NSUN7: variants seen among roughly 807,000 people sequenced by gnomAD.
The protein encoded by NSUN7 is protein NSUN7.
In NSUN7, 39 loss-of-function variants were observed where a neutral mutation model predicts 58.5. The observed-to-expected ratio is 0.67, with a 90% CI of 0.52 to 0.87. The LOEUF is 0.87. NSUN7 is among the 40% of genes least tolerant of loss of function. The pLI, the probability that NSUN7 is intolerant of heterozygous loss-of-function variation, is 0.00. For missense variants in NSUN7, 765 were observed against 844.1 expected, an observed-to-expected ratio of 0.91 and a Z score of 1.16; for synonymous variants, 278 against 303.7, an observed-to-expected ratio of 0.92 and a Z score of 0.88.
intron 4 of NSUN7, 63 bp downstream of exon 4, chr4:40,761,364 A>G: frequency 3.1e-6 from 4 of 1,308,036 alleles, no homozygotes; most frequent in Non-Finnish European, 4.3e-6. Context: ...TATTGGTAAA[A>G]TTACATACAG....
chr4:40,790,563 T>A, intron 7 of NSUN7, 39 bp from the exon 8 acceptor site: 2 of 1,310,556 alleles, frequency 1.5e-6, no homozygotes, highest in Non-Finnish European at 1.1e-6. Context: ...AGATTTTTCA[T>A]TAATATTTTA....
intron 10 of NSUN7, among the ~76,000 whole-genome samples, 186 bp downstream of exon 10, chr4:40,799,090 T>TTTTTG (rs1743460198): frequency 1.4e-5 from 2 of 141,276 alleles, no homozygotes; most frequent in East Asian, 2.0e-4. Flanking sequence ...TTTTTTTTTT[T>TTTTTG]TTTTTTTTTT....
chr4:40,765,865 T>C (rs1560548818), intron 4 of NSUN7, among the ~76,000 whole-genome samples: 1 of 152,248 alleles, frequency 6.6e-6, no homozygotes, highest in Non-Finnish European at 1.5e-5. Context: ...AGTTCACTCA[T>C]GATTTGGCTC....
At chr4:40,805,321 T>C (rs1743768773) in intron 10 of NSUN7, among the ~76,000 whole-genome samples, 1 of 152,166 alleles carries the variant, frequency 6.6e-6, no homozygotes, top group East Asian at 1.9e-4. Context: ...CGCTTGTGTT[T>C]GCGGGACTGA....
intron 4 of NSUN7, among the ~76,000 whole-genome samples, chr4:40,763,431 C>T (rs1053154714): frequency 5.3e-5 from 8 of 152,240 alleles, no homozygotes; most frequent in East Asian, 1.9e-4. Context: ...GGACAGGCTC[C>T]GAGTTTCAGT....
chr4:40,776,255 TA>T lies in NSUN7; in HGVS notation c.1036del (p.Asn346IlefsTer24). 6.4e-7 allele frequency: 1 copy of T among 1,562,690 alleles called. No homozygotes were observed. The highest frequency in any genetic ancestry group is 8.7e-7 in the Non-Finnish European group (1 of 1,152,598). On this transcript the variant is annotated frameshift_variant, in exon 7 of 12. Coordinates refer to ENST00000381782, the MANE Select transcript of NSUN7 (RefSeq NM_024677.6). LOFTEE classifies it high-confidence loss of function. ...AGACCCTTTTCACAAAAATAGGATGTAAAAGTATGTAAAAATATTTCTTCAT... is the reference window on the plus strand; with the variant it reads ...AGACCCTTTTCACAAAAATAGGATGTAAAGTATGTAAAAATATTTCTTCAT... ...LKTLFTKIGC[K>X]NIEILHEKFI... is the part of the protein sequence containing the mutation.
rs1560572547 is a variant in NSUN7 at position 40,811,131 on chromosome 4, T to G, written c.*2192T>G. ...CTAACATGCATTTGGCACTAAATTA[T>G]TTTTCTCTTTAGAAGTATATGAAGA... On this transcript the variant is annotated 3_prime_UTR_variant, in exon 12 of 12. Transcript: ENST00000381782. 1 of 152,248 alleles carries G rather than the reference T, an allele frequency of 6.6e-6. No homozygotes were observed. 9.4% of individuals were successfully genotyped at this position (152,248 alleles called of 1,614,324 possible).
rs1208786099 is a variant in NSUN7, at chr4:40,810,869, A to ATT, written c.*1931_*1932dup. On this transcript the variant is annotated 3_prime_UTR_variant, in exon 12 of 12. Coordinates refer to ENST00000381782, the MANE Select transcript of NSUN7 (RefSeq NM_024677.6). ...AAGGCGGTGCAGCTTAATTTAACAT[A>ATT]TTGTTCAGTAAAGAATCCCATTGTG... is the stretch of plus-strand genomic sequence containing the variant. 3.3e-5 allele frequency: 5 copies of ATT among 152,146 alleles called. No homozygotes were observed. The highest frequency in any genetic ancestry group is 9.7e-5 in the African/African-American group (4 of 41,424). 9.4% of individuals were successfully genotyped at this position (152,146 alleles called of 1,614,324 possible).
At chr4:40,807,884 AC>A (rs1743877516) in intron 11 of NSUN7, among the ~76,000 whole-genome samples, 1 of 152,106 alleles carries the variant, frequency 6.6e-6, no homozygotes, top group Admixed American at 6.6e-5. Flanking sequence ...CTACTAAAAT[AC>A]AAAAATCAGC....
rs1577560094 is a variant in NSUN7 at position 40,774,887 on chromosome 4, A to G, written c.762A>G (p.Pro254=). The G allele has an allele frequency of 1.5e-6, 2 of 1,340,426 alleles. No individual in the cohort carries two copies. The highest frequency in any genetic ancestry group is 1.2e-5 in the South Asian group (1 of 84,202). 83.0% of individuals were successfully genotyped at this position (1,340,426 alleles called of 1,614,324 possible). A position where few individuals can be genotyped will look rare whatever the true frequency, so the allele number is the denominator to read the frequency against. ...DQHCYDVLIF[P]SHLKNDLINI... ...ATTGCTATGATGTCTTAATTTTTCCATCTCATCTTAAAAATGATCTTATAA... is the reference window on the plus strand; with the variant it reads ...ATTGCTATGATGTCTTAATTTTTCCGTCTCATCTTAAAAATGATCTTATAA... Residue 254 remains proline (P), a synonymous_variant, in exon 6 of 12, where the codon CCA becomes CCG. Coordinates refer to ENST00000381782, the MANE Select transcript of NSUN7 (RefSeq NM_024677.6).
At chr4:40,757,266 C>T (rs1172652844) in intron 2 of NSUN7, among the ~76,000 whole-genome samples, 3 of 151,808 alleles carry the variant, frequency 2.0e-5, no homozygotes, top group African/African-American at 7.3e-5. Flanking sequence ...AAATAAGTTA[C>T]AGGAGATGGT....
chr4:40,806,716 A>G (rs1743819127), intron 10 of NSUN7, among the ~76,000 whole-genome samples: 1 of 152,208 alleles, frequency 6.6e-6, no homozygotes, highest in African/African-American at 2.4e-5. Context: ...GATAACTGTG[A>G]TTAATGTACA....
chr4:40,793,936 A>G (rs1356770363), intron 8 of NSUN7, among the ~76,000 whole-genome samples: 7 of 152,174 alleles, frequency 4.6e-5, no homozygotes, highest in Non-Finnish European at 8.8e-5. Context: ...TTTTTCTTCC[A>G]AAGTTTCTTT....
chr4:40,799,809 C>T (rs1199218720), intron 10 of NSUN7, among the ~76,000 whole-genome samples: 2 of 152,166 alleles, frequency 1.3e-5, no homozygotes, highest in Non-Finnish European at 2.9e-5. Context: ...GTCATTTAAT[C>T]TCATCACCTA....
In NSUN7 at chr4:40,808,413, A is replaced by AG. The variant is rs752872184; in HGVS notation, c.1632dup (p.Lys545GlufsTer15). The AG allele has an allele frequency of 6.2e-7, 1 of 1,614,058 alleles. No homozygotes were observed. Among genetic ancestry groups the AG allele is most frequent in the Non-Finnish European group, 8.5e-7 (1 of 1,179,956 alleles). The stretch of plus-strand genomic sequence containing the variant: ...GGTAAATCATCAAAACGGGAGAAGA[A>AG]GAAGAAAAAATCAAAAACATCATTG... On this transcript the variant is annotated frameshift_variant, in exon 12 of 12. Coordinates refer to ENST00000381782, the MANE Select transcript of NSUN7 (RefSeq NM_024677.6). LOFTEE classifies it low-confidence loss of function (END_TRUNC).
intron 10 of NSUN7, among the ~76,000 whole-genome samples, chr4:40,800,848 A>T (rs552228467): frequency 1.3e-5 from 2 of 152,298 alleles, no homozygotes; most frequent in East Asian, 3.9e-4. Flanking sequence ...TTTGTTACCT[A>T]TTTTATATAA....
chr4:40,760,193 A>C (rs527765271), intron 2 of NSUN7, among the ~76,000 whole-genome samples: 1 of 152,336 alleles, frequency 6.6e-6, no homozygotes, highest in African/African-American at 2.4e-5. Context: ...TGCTTTGACT[A>C]TTCAGATAAT....
chr4:40,808,627 G>A lies in NSUN7; in HGVS notation c.1845G>A (p.Val615=). 6.4e-7 allele frequency: 1 copy of A among 1,551,752 alleles called. No homozygotes were observed. Among genetic ancestry groups the A allele is most frequent in the Non-Finnish European group, 8.7e-7 (1 of 1,147,004 alleles). ...ACAAGCTGGCCCCCCATCCTGCAGT[G>A]CCTGCATTTGTGAAGAACACTTGTC... ...KPNKLAPHPA[V]PAFVKNTCPS... is the part of the protein sequence containing the mutation. The change falls in exon 12 of 12, where the codon GTG becomes GTA. Residue 615 remains valine (V), a synonymous_variant. Transcript: ENST00000381782.
intron 11 of NSUN7, 114 bp from the exon 12 acceptor site, chr4:40,808,193 T>C: frequency 1.7e-6 from 2 of 1,191,830 alleles, no homozygotes; most frequent in Non-Finnish European, 2.3e-6. Context: ...ATTTCTTATT[T>C]CTTTTAGTAT....
Sources: gnomAD v4.1 joint callset for allele counts (sites outside exome capture counted in the v4.1 genomes callset) on GRCh38, gnomAD v4.1.1 for gene constraint, MANE v1.5 for transcripts, NCBI Gene and HGNC (gene_info 2026-07-23, HGNC 2026-07-21) for gene names.